GEMIN5: variants seen among roughly 807,000 people sequenced by gnomAD.
GEMIN5 encodes gem nuclear organelle associated protein 5.
GEMIN5 carries 124 observed loss-of-function variants against 176.9 expected under a neutral mutation model. The ratio of observed to expected loss-of-function variants is 0.70; its 90% confidence interval spans 0.61 to 0.81. The LOEUF (loss-of-function observed/expected upper bound fraction) is 0.81. Ranked by LOEUF, GEMIN5 falls within the 40% of genes least tolerant of loss-of-function variation. GEMIN5 has a pLI of 0.00. For missense variants in GEMIN5, 1,843 were observed against 1,814.6 expected, an observed-to-expected ratio of 1.02 and a Z score of -0.28; for synonymous variants, 673 against 665.2, an observed-to-expected ratio of 1.01 and a Z score of -0.18.
chr5:154,892,598 G>A (rs759062844), intron 24 of GEMIN5, 49 bp from the exon 25 acceptor site: 18 of 1,555,678 alleles, frequency 1.2e-5, no homozygotes, highest in South Asian at 2.3e-5. Flanking sequence ...CACGGTAGGC[G>A]CAGAGGATGC....
chr5:154,932,219 T>G lies in GEMIN5; in HGVS notation c.541A>C (p.Ile181Leu). 6.2e-7 allele frequency: 1 copy of G among 1,611,296 alleles called. No homozygotes were observed. The highest frequency in any genetic ancestry group is 8.5e-7 in the Non-Finnish European group (1 of 1,177,492). ...YKDGIVVIID[I>L]SKKGEVIHRL... is the part of the protein sequence containing the mutation. ...TGAATAACTTCTCCTTTCTTACTGA[T>G]GTCAATTATCACCACTATGCCATCC... Residue 181 changes from isoleucine (I) to leucine (L), a missense_variant, in exon 4 of 28, where the codon ATC becomes CTC. By Grantham distance (5) the Ile-to-Leu change is conservative. Transcript: ENST00000285873.
At chr5:154,934,055 G>A (rs930411057) in intron 3 of GEMIN5, among the ~76,000 whole-genome samples, 11 of 151,786 alleles carry the variant, frequency 7.2e-5, no homozygotes, top group Admixed American at 3.9e-4. Context: ...TTGCTCTGTC[G>A]CTCAGGCTGG....
chr5:154,931,801 G>A (rs989723821), intron 4 of GEMIN5: 4 of 501,672 alleles, frequency 8.0e-6, no homozygotes, highest in African/African-American at 7.7e-5. Flanking sequence ...GATCACCTGA[G>A]GTCGGGAGTT....
Position 154,891,571 on chromosome 5 carries a change from G to A in GEMIN5, c.3932C>T (p.Ser1311Phe). Residue 1311 changes from serine (S) to phenylalanine (F), a missense_variant, in exon 26 of 28, where the codon TCT becomes TTT. Ser to Phe is a radical substitution (Grantham distance 155). Transcript: ENST00000285873. ...GTCTAACTGCTGGCTTGGCTCAACA[G>A]AGAGTGTTCTGTGACCAGCCCTTAC... ...VWVRAGHRTL[S>F]VEPSQQLDTA... 6.2e-7 allele frequency: 1 copy of A among 1,614,172 alleles called. No homozygotes were observed. Among genetic ancestry groups the A allele is most frequent in the Non-Finnish European group, 8.5e-7 (1 of 1,180,026 alleles).
intron 24 of GEMIN5, among the ~76,000 whole-genome samples, chr5:154,893,126 AAGTG>A (rs1476438762): frequency 2.0e-5 from 3 of 151,606 alleles, no homozygotes; most frequent in African/African-American, 7.3e-5. Context: ...CAAAAACAAA[AAGTG>A]AGTTTCTGGA....
chr5:154,918,308 A>G (rs1385685517), intron 11 of GEMIN5, among the ~76,000 whole-genome samples: 1 of 152,196 alleles, frequency 6.6e-6, no homozygotes, highest in Non-Finnish European at 1.5e-5. Context: ...AGCTTGGACA[A>G]TGTGGGGACC....
At chr5:154,926,219 GAA>G in intron 7 of GEMIN5, 145 bp from the exon 8 acceptor site, 2 of 514,968 alleles carry the variant, frequency 3.9e-6, no homozygotes, top group Non-Finnish European at 7.1e-6. Context: ...GCACTGCTAA[GAA>G]AAAAAAAATA....
At chr5:154,914,692 G>T (rs905435140) in intron 13 of GEMIN5, among the ~76,000 whole-genome samples, 1 of 151,726 alleles carries the variant, frequency 6.6e-6, no homozygotes, top group African/African-American at 2.4e-5. Flanking sequence ...TGATCTTCCT[G>T]CCATGGTCTC....
chr5:154,895,425 T>C (rs1323459929), intron 24 of GEMIN5, among the ~76,000 whole-genome samples: 1 of 151,280 alleles, frequency 6.6e-6, no homozygotes, highest in Non-Finnish European at 1.5e-5. Context: ...TCAACATGGA[T>C]AGATTTTACA....
rs182200729 is a variant in GEMIN5, at chr5:154,937,520, T to C, written c.167-335A>G. ...AGAATAAATCACCTGGCATGTCATA[T>C]CCTAAGGCACAATCAAAGCCTAGTT... On this transcript the variant is annotated intron_variant, in intron 1 of 27. Coordinates refer to ENST00000285873, the MANE Select transcript of GEMIN5 (RefSeq NM_015465.5). 2.0e-5 allele frequency among the ~76,000 whole-genome samples: 3 copies of C among 152,328 alleles called. No homozygotes were observed. The East Asian group carries it at 5.8e-4, about 29-fold the overall frequency.
At position 154,888,321 on chromosome 5, in the gene GEMIN5, G is replaced by C; in HGVS notation, c.4416C>G (p.Ser1472=). The C allele has an allele frequency of 6.2e-7, 1 of 1,614,146 alleles. No homozygotes were observed. The highest frequency in any genetic ancestry group is 8.5e-7 in the Non-Finnish European group (1 of 1,179,998). The change falls in exon 28 of 28, where the codon TCC becomes TCG. Residue 1472 remains serine (S), a synonymous_variant. Transcript: ENST00000285873. ...ECCLVLLLIR[S]HFPGCLAQEM... ...CCTGGGCCAGACAGCCAGGAAAGTG[G>C]GACCTGATGAGAAGCAGGACGAGGC... is the stretch of plus-strand genomic sequence containing the variant.
chr5:154,898,677 A>ATAATATG, intron 22 of GEMIN5, 27 bp from the exon 23 acceptor site: 1 of 1,492,220 alleles, frequency 6.7e-7, no homozygotes, highest in Non-Finnish European at 9.3e-7. Flanking sequence ...AATGTGAAGA[A>ATAATATG]AATGTCACAA....
At chr5:154,892,341 T>C (rs760454932) in intron 25 of GEMIN5, 46 bp downstream of exon 25, 2 of 1,471,468 alleles carry the variant, frequency 1.4e-6, no homozygotes, top group Non-Finnish European at 1.9e-6. Flanking sequence ...ATGGTGGTGA[T>C]GTTGTCCATT....
chr5:154,891,666 A>G lies in GEMIN5; in HGVS notation c.3837T>C (p.Phe1279=), dbSNP rs759416728. The part of the protein sequence containing the change: ...ATPAFKSLEA[F]FLYGRLYEFW... Reference sequence around the variant, plus strand: ...ATTCATACAGACGCCCATAAAGAAAAAAGGCCTCCAAACTTTTGAAAGCTG... The same window carrying G: ...ATTCATACAGACGCCCATAAAGAAAGAAGGCCTCCAAACTTTTGAAAGCTG... The change falls in exon 26 of 28, where the codon TTT becomes TTC. Residue 1279 remains phenylalanine (F), a synonymous_variant. Coordinates refer to ENST00000285873, the MANE Select transcript of GEMIN5 (RefSeq NM_015465.5). 3 of 1,612,772 alleles carry G rather than the reference A, an allele frequency of 1.9e-6. No individual in the cohort carries two copies. The South Asian group carries it at 3.3e-5, about 18-fold the overall frequency.
At chr5:154,920,130 T>G (rs369961693) in intron 10 of GEMIN5, 27 bp from the exon 11 acceptor site, 1 of 1,598,756 alleles carries the variant, frequency 6.3e-7, no homozygotes, top group South Asian at 1.1e-5. Context: ...AAGAAACTTA[T>G]CAGTTTTGTA....
At chr5:154,917,510 C>T (rs1410647396) in intron 12 of GEMIN5, among the ~76,000 whole-genome samples, 1 of 152,146 alleles carries the variant, frequency 6.6e-6, no homozygotes, top group African/African-American at 2.4e-5. Flanking sequence ...GTTCATCAGG[C>T]ATTAATGACA....
chr5:154,887,920 C>T lies in GEMIN5; in HGVS notation c.*290G>A, dbSNP rs1763142818. On this transcript the variant is annotated 3_prime_UTR_variant, in exon 28 of 28. Coordinates refer to ENST00000285873, the MANE Select transcript of GEMIN5 (RefSeq NM_015465.5). The stretch of plus-strand genomic sequence containing the variant: ...GAAGTTTCTCCTCTTTGGGTGAAAC[C>T]TGCCTAAGGCTGTAGAGATGACCAA... The T allele has an allele frequency of 3.0e-6, 1 of 330,462 alleles. No individual in the cohort carries two copies. The highest frequency in any genetic ancestry group is 5.6e-6 in the Non-Finnish European group (1 of 179,426). The allele number at this position is 330,462 out of a possible 1,614,324, so 20.5% of individuals were successfully genotyped here.
intron 5 of GEMIN5, among the ~76,000 whole-genome samples, chr5:154,930,213 A>C (rs536675124): frequency 1.3e-5 from 2 of 152,286 alleles, no homozygotes; most frequent in East Asian, 3.9e-4. Context: ...TCAGCGAATC[A>C]GAATTAGTTT....
chr5:154,907,065 A>C (rs1233762812), intron 16 of GEMIN5, among the ~76,000 whole-genome samples: 1 of 152,228 alleles, frequency 6.6e-6, no homozygotes, highest in Non-Finnish European at 1.5e-5. Context: ...GAGACATCTG[A>C]GAGCCATCAC....
Sources: gnomAD v4.1 joint callset for allele counts (sites outside exome capture counted in the v4.1 genomes callset) on GRCh38, gnomAD v4.1.1 for gene constraint, MANE v1.5 for transcripts, NCBI Gene and HGNC (gene_info 2026-07-23, HGNC 2026-07-21) for gene names.